The following CAMTA1 variants were observed in gnomAD, a reference collection of about 807,000 sequenced individuals.
CAMTA1 encodes the protein calmodulin binding transcription activator 1, also known as calmodulin-binding transcription activator 1.
A neutral mutation model predicts 170.9 loss-of-function variants in CAMTA1; 27 were observed. That is an observed-to-expected ratio of 0.16 (90% CI 0.12 to 0.22). The LOEUF is 0.22. Among genes scored for constraint, CAMTA1 ranks in the 10% least tolerant of loss-of-function variants. CAMTA1 has a pLI of 1.00. For synonymous variants in CAMTA1, 833 were observed against 891.5 expected (o/e 0.93, Z 1.17); for missense variants, 1,619 against 2,217.2 (o/e 0.73, Z 5.42).
intron 6 of CAMTA1, among the ~76,000 whole-genome samples, chr1:7,595,452 T>C (rs1454266816): frequency 6.6e-6 from 1 of 152,222 alleles, no homozygotes; most frequent in Admixed American, 6.5e-5. Context: ...CTTAGTGCCT[T>C]AATTTGGTTC....
chr1:7,194,052 C>T (rs1017175776), intron 4 of CAMTA1, among the ~76,000 whole-genome samples: 11 of 152,148 alleles, frequency 7.2e-5, no homozygotes, highest in South Asian at 2.1e-4. Context: ...TATACGTAAA[C>T]GTAGGGATGT....
At chr1:7,474,985 C>T (rs1017058835) in intron 6 of CAMTA1, among the ~76,000 whole-genome samples, 4 of 152,198 alleles carry the variant, frequency 2.6e-5, no homozygotes, top group Admixed American at 2.0e-4. Context: ...AGAGTATGGC[C>T]GCGCTCGCCC....
At chr1:7,329,187 A>G (rs1574714845) in intron 5 of CAMTA1, among the ~76,000 whole-genome samples, 1 of 97,516 alleles carries the variant, frequency 1.0e-5, no homozygotes, top group South Asian at 2.9e-4. Context: ...TAACATCTTG[A>G]AAAAAAAAAT....
At chr1:7,237,082 G>A (rs1664017566) in intron 4 of CAMTA1, among the ~76,000 whole-genome samples, 4 of 152,202 alleles carry the variant, frequency 2.6e-5, no homozygotes, top group Admixed American at 2.6e-4. Flanking sequence ...CTTGTGGCAG[G>A]AGCGATAGGA....
intron 3 of CAMTA1, among the ~76,000 whole-genome samples, chr1:7,012,885 C>T (rs11589210): frequency 0.041 from 6,308 of 152,256 alleles, 189 homozygotes; most frequent in Non-Finnish European, 0.068. Context: ...CCCAACTCAC[C>T]GTCCAGCTGC....
intron 4 of CAMTA1, among the ~76,000 whole-genome samples, chr1:7,241,958 A>G (rs1403223069): frequency 6.6e-6 from 1 of 151,808 alleles, no homozygotes; most frequent in Non-Finnish European, 1.5e-5. Context: ...AACTTACCAA[A>G]GGGGAAAATT....
At position 6,998,973 on chromosome 1, in the gene CAMTA1, A is replaced by G. The variant is rs534304794; in HGVS notation, c.235-92331A>G. 1.2e-3 allele frequency among the ~76,000 whole-genome samples: 187 copies of G among 152,330 alleles called. 1 individual carries two copies. Among genetic ancestry groups the G allele is most frequent in the Non-Finnish European group, 2.1e-3 (141 of 68,032 alleles). On this transcript the variant is annotated intron_variant, in intron 3 of 22. Transcript: ENST00000303635. ...TAAACTTTTTTTAGTGCACAGTTCAATGGCATTAAGTACATTCTCACTTTT... is the reference window on the plus strand; with the variant it reads ...TAAACTTTTTTTAGTGCACAGTTCAGTGGCATTAAGTACATTCTCACTTTT...
At chr1:7,364,386 A>G (rs1439031556) in intron 5 of CAMTA1, among the ~76,000 whole-genome samples, 2 of 151,906 alleles carry the variant, frequency 1.3e-5, no homozygotes, top group African/African-American at 2.4e-5. Flanking sequence ...TTCCTGATAG[A>G]TGGCACCTTC....
intron 3 of CAMTA1, among the ~76,000 whole-genome samples, chr1:7,075,394 C>T (rs1035673384): frequency 1.3e-5 from 2 of 152,198 alleles, no homozygotes; most frequent in African/African-American, 4.8e-5. Flanking sequence ...ATACTTTCCA[C>T]TCCACTCCGT....
In CAMTA1 at chr1:7,561,147, C is replaced by T. The variant is rs1229600452; in HGVS notation, c.511-79253C>T. Among the ~76,000 whole-genome samples, 14 of 152,010 alleles carry T rather than the reference C, an allele frequency of 9.2e-5. No homozygotes were observed. Among genetic ancestry groups the T allele is most frequent in the South Asian group, 2.1e-4 (1 of 4,824 alleles). ...AATCCAGGCATGGCCAGGGGCTGGC[C>T]GAGGGGGGCCGGTGGGTGGTGAATG... On this transcript the variant is annotated intron_variant, in intron 6 of 22. Coordinates refer to ENST00000303635, the MANE Select transcript of CAMTA1 (RefSeq NM_015215.4). This position sits in a 1 kb window ranked among gnomAD's most constrained non-coding sequence, Gnocchi z 5.3.
At chr1:6,995,510 G>C (rs1327238772) in intron 3 of CAMTA1, among the ~76,000 whole-genome samples, 1 of 151,606 alleles carries the variant, frequency 6.6e-6, no homozygotes, top group Non-Finnish European at 1.5e-5. Context: ...CACCATTTTG[G>C]CCAGGATTGT....
intron 6 of CAMTA1, among the ~76,000 whole-genome samples, chr1:7,511,853 A>G (rs1450001931): frequency 6.6e-6 from 1 of 152,192 alleles, no homozygotes; most frequent in African/African-American, 2.4e-5. Context: ...TGTAGAGGAA[A>G]CACCTAATAC....
chr1:7,484,606 G>A (rs570158808), intron 6 of CAMTA1, among the ~76,000 whole-genome samples: 24 of 152,188 alleles, frequency 1.6e-4, no homozygotes, highest in South Asian at 8.3e-4. Context: ...TGGCTAACAC[G>A]GTGAAATCCC....
chr1:7,679,706 A>C (rs72630578), intron 11 of CAMTA1, among the ~76,000 whole-genome samples: 23,678 of 152,268 alleles, frequency 0.16, 2,321 homozygotes, highest in South Asian at 0.28. Flanking sequence ...CTGGGCGTCC[A>C]GCAGCATCGC....
intron 3 of CAMTA1, among the ~76,000 whole-genome samples, chr1:6,960,623 G>A (rs905334232): frequency 1.3e-5 from 2 of 152,158 alleles, no homozygotes; most frequent in African/African-American, 4.8e-5. Context: ...TGATACCTCC[G>A]GAATAGTCTT....
chr1:7,549,510 C>T (rs1342870315), intron 6 of CAMTA1, among the ~76,000 whole-genome samples: 1 of 152,154 alleles, frequency 6.6e-6, no homozygotes, highest in Non-Finnish European at 1.5e-5. Context: ...TGACTCATTT[C>T]CTCTCCAATG....
At chr1:7,735,232 T>C (rs983655379) in intron 12 of CAMTA1, among the ~76,000 whole-genome samples, 1 of 152,138 alleles carries the variant, frequency 6.6e-6, no homozygotes, top group Non-Finnish European at 1.5e-5. Context: ...GCGCGGTGGC[T>C]CATGCCAGGA....
intron 6 of CAMTA1, among the ~76,000 whole-genome samples, chr1:7,627,483 C>T (rs746655982): frequency 5.3e-5 from 8 of 152,198 alleles, no homozygotes; most frequent in Non-Finnish European, 8.8e-5. Flanking sequence ...TCCCATGCCT[C>T]GGGCACTGTT....
chr1:7,038,382 A>G (rs1703945137), intron 3 of CAMTA1, among the ~76,000 whole-genome samples: 1 of 152,246 alleles, frequency 6.6e-6, no homozygotes, highest in Non-Finnish European at 1.5e-5. Context: ...TAAAAAGGAT[A>G]CAGAGATCAA....
Sources: gnomAD v4.1 joint callset for allele counts (sites outside exome capture counted in the v4.1 genomes callset) on GRCh38, gnomAD v4.1.1 for gene constraint, Gnocchi (gnomAD v3.1) non-coding constraint, MANE v1.5 for transcripts, NCBI Gene and HGNC (gene_info 2026-07-23, HGNC 2026-07-21) for gene names.